Variants in LARP1 observed in about 807,000 individuals in gnomAD.
The protein encoded by LARP1 is la-related protein 1.
Under a neutral mutation model 122.7 loss-of-function variants are expected in LARP1, and 36 were observed. That is an observed-to-expected ratio of 0.29 (90% CI 0.22 to 0.39). The LOEUF is 0.39. Among genes scored for constraint, LARP1 ranks in the 10% least tolerant of loss-of-function variants. The pLI is 1.00. For synonymous variants in LARP1, 539 were observed against 528.7 expected (o/e 1.02, Z -0.27); for missense variants, 1,040 against 1,403.6 (o/e 0.74, Z 4.14).
intron 1 of LARP1, among the ~76,000 whole-genome samples, chr5:154,686,386 T>C (rs1753943822): frequency 6.6e-6 from 1 of 152,140 alleles, no homozygotes; most frequent in Non-Finnish European, 1.5e-5. Context: ...GTTCTTGGCA[T>C]TGGGAATAGC....
chr5:154,740,702 A>G (rs1752833563), intron 1 of LARP1, among the ~76,000 whole-genome samples: 3 of 152,308 alleles, frequency 2.0e-5, no homozygotes, highest in Non-Finnish European at 4.4e-5. Context: ...CTGATTAAAG[A>G]ACTTTCTAAA....
chr5:154,781,907 G>T (rs1043408006), intron 1 of LARP1, among the ~76,000 whole-genome samples: 2 of 152,216 alleles, frequency 1.3e-5, no homozygotes, highest in African/African-American at 4.8e-5. Flanking sequence ...TAGTGGAGTT[G>T]AGATACACAC....
chr5:154,758,767 T>C (rs1414098334), intron 1 of LARP1, among the ~76,000 whole-genome samples: 1 of 152,254 alleles, frequency 6.6e-6, no homozygotes, highest in African/African-American at 2.4e-5. Context: ...GCCTTACTTT[T>C]GGCTCAAATG....
chr5:154,744,631 TTTTTTTTTTTTTTTTTTTTTTTTTG>T lies in LARP1; in HGVS notation c.205+31502_205+31526del, dbSNP rs1354085902. On this transcript the variant is annotated intron_variant, in intron 1 of 18. Coordinates refer to the LARP1 transcript ENST00000336314. ...TGGATATGCAATTTTTTTTTTTTTT[TTTTTTTTTTTTTTTTTTTTTTTTTG>T]AGACGGAGTCTCGCTCTGTCGCCCA... Among the ~76,000 whole-genome samples the T allele has an allele frequency of 4.2e-4, 32 of 76,814 alleles. 2 individuals are homozygous for T. Among genetic ancestry groups the T allele is most frequent in the African/African-American group, 1.4e-3 (16 of 11,796 alleles). 50.4% of individuals were successfully genotyped at this position (76,814 alleles called of 152,430 possible).
intron 1 of LARP1, among the ~76,000 whole-genome samples, chr5:154,773,594 C>G (rs1755620180): frequency 6.6e-6 from 1 of 152,202 alleles, no homozygotes; most frequent in Non-Finnish European, 1.5e-5. Flanking sequence ...ACCGAGCTGC[C>G]ACGCAGGGAT....
chr5:154,780,203 CAGTG>C (rs1561595941), intron 1 of LARP1, among the ~76,000 whole-genome samples: 2 of 152,182 alleles, frequency 1.3e-5, no homozygotes, highest in African/African-American at 2.4e-5. Flanking sequence ...GACAGACAGA[CAGTG>C]AGAAAAAGAT....
intron 1 of LARP1, among the ~76,000 whole-genome samples, chr5:154,688,734 G>T (rs566041613): frequency 9.8e-4 from 149 of 151,784 alleles, no homozygotes; most frequent in African/African-American, 3.5e-3. Flanking sequence ...GCTGAGGTAG[G>T]AGGATCTCTT....
At chr5:154,798,216 G>T (rs1758046491) in intron 8 of LARP1, among the ~76,000 whole-genome samples, 1 of 152,264 alleles carries the variant, frequency 6.6e-6, no homozygotes. Context: ...GCATGGTATA[G>T]TCATAGAAGT....
exon 1 of LARP1, among the ~76,000 whole-genome samples, chr5:154,683,001 C>G (rs1395491379): frequency 6.6e-6 from 1 of 152,212 alleles, no homozygotes; most frequent in Non-Finnish European, 1.5e-5. Context: ...ATCGCTGCTG[C>G]GGCGCTGCCG....
At chr5:154,752,367 T>C (rs1753547513), upstream of LARP1, among the ~76,000 whole-genome samples, 1 of 151,908 alleles carries the variant, frequency 6.6e-6, no homozygotes, top group Non-Finnish European at 1.5e-5. Context: ...CTCAGCCTCC[T>C]GAGTAGCTTG....
At chr5:154,783,721 A>G (rs773996972) in intron 1 of LARP1, among the ~76,000 whole-genome samples, 1 of 152,170 alleles carries the variant, frequency 6.6e-6, no homozygotes, top group Non-Finnish European at 1.5e-5. Flanking sequence ...AAGAGAATCC[A>G]TGCCCAGAGT....
chr5:154,806,187 C>T (rs532660173), intron 15 of LARP1, among the ~76,000 whole-genome samples, 155 bp downstream of exon 15: 3 of 152,098 alleles, frequency 2.0e-5, no homozygotes, highest in South Asian at 2.1e-4. Flanking sequence ...AAGTTAGACT[C>T]GGGCCAGGTA....
chr5:154,796,028 A>G (rs1157755373), intron 8 of LARP1, among the ~76,000 whole-genome samples: 1 of 100,034 alleles, frequency 1.0e-5, no homozygotes, highest in African/African-American at 4.0e-5. Flanking sequence ...TATTATATAT[A>G]TTTTTATATA....
chr5:154,739,863 G>A (rs554096615), intron 1 of LARP1, among the ~76,000 whole-genome samples: 3 of 152,154 alleles, frequency 2.0e-5, no homozygotes, highest in African/African-American at 4.8e-5. Flanking sequence ...TGTCTCCTTC[G>A]CAAACAAACC....
rs1753777213 is a variant in LARP1, at chr5:154,755,469, G to C, written c.-289G>C. 1 of 853,700 alleles carries C rather than the reference G, an allele frequency of 1.2e-6. No individual in the cohort carries two copies. The highest frequency in any genetic ancestry group is 1.4e-6 in the Non-Finnish European group (1 of 708,744). 52.9% of individuals were successfully genotyped at this position (853,700 alleles called of 1,614,324 possible). On this transcript the variant is annotated 5_prime_UTR_variant, in exon 1 of 19. Transcript: ENST00000518297. ...CGGGACTAGAAGCCTGCCGGGCTCG[G>C]GGTGGGGGCGTCTTGCGAGGAACGG... is the stretch of plus-strand genomic sequence containing the variant.
intron 1 of LARP1, chr5:154,729,470 C>T (rs369387503): frequency 3.1e-5 from 12 of 384,802 alleles, no homozygotes; most frequent in East Asian, 2.0e-4. Flanking sequence ...GAGCAAGATT[C>T]TTGCCAAGAG....
At chr5:154,804,652 T>G in intron 14 of LARP1, 1 of 409,954 alleles carries the variant, frequency 2.4e-6, no homozygotes, top group Non-Finnish European at 4.7e-6. Context: ...GAGCCTACTA[T>G]GTCTTGGGAG....
chr5:154,812,853 A>T (rs1379558250), intron 18 of LARP1, among the ~76,000 whole-genome samples: 3 of 150,794 alleles, frequency 2.0e-5, no homozygotes, highest in Non-Finnish European at 4.4e-5. Context: ...TCTTGTGAGA[A>T]CTCACTCACT....
rs1225659121 is a variant in LARP1, at chr5:154,735,735, A to AT, written c.205+22613dup. 6.1e-5 allele frequency among the ~76,000 whole-genome samples: 6 copies of AT among 98,042 alleles called. 1 individual carries two copies. The South Asian group carries it at 1.3e-3, about 22-fold the overall frequency. 64.3% of individuals were successfully genotyped at this position (98,042 alleles called of 152,430 possible). A position where few individuals can be genotyped will look rare whatever the true frequency, so the allele number is the denominator to read the frequency against. On this transcript the variant is annotated intron_variant, in intron 1 of 18. Coordinates refer to the LARP1 transcript ENST00000336314. ...AGGCACGTGCCACCATGCCCAGCTAATTTTTTTTGTATTTTTAGTAGAGAC... is the reference window on the plus strand; with the variant it reads ...AGGCACGTGCCACCATGCCCAGCTAATTTTTTTTTGTATTTTTAGTAGAGAC...
Sources: allele counts gnomAD v4.1 joint callset (sites outside exome capture counted in the v4.1 genomes callset), GRCh38; gene constraint gnomAD v4.1.1; transcripts MANE v1.5; gene names NCBI Gene and HGNC (gene_info 2026-07-23, HGNC 2026-07-21).